The following NAV1 variants were observed in gnomAD, a reference collection of about 807,000 sequenced individuals.
The protein encoded by NAV1 is pore membrane and/or filament interacting like protein 3.
In NAV1, 18 loss-of-function variants were observed where a neutral mutation model predicts 175.2. That is an observed-to-expected ratio of 0.10 (90% CI 0.07 to 0.15). The LOEUF is 0.15. Ranked by LOEUF, NAV1 falls within the 10% of genes least tolerant of loss-of-function variation. NAV1 has a pLI of 1.00. For missense variants in NAV1, 1,731 were observed against 2,436.6 expected (o/e 0.71, Z 6.10); for synonymous variants, 897 against 978.7 (o/e 0.92, Z 1.56).
intron 3 of NAV1, among the ~76,000 whole-genome samples, chr1:201,721,443 G>A (rs1458305763): frequency 1.3e-5 from 2 of 152,216 alleles, no homozygotes; most frequent in Non-Finnish European, 2.9e-5. Flanking sequence ...TGTTGTTGTT[G>A]TTTTAATTAG....
chr1:201,629,204 G>A (rs1024437890), intron 1 of NAV1, among the ~76,000 whole-genome samples, 200 bp from the exon 4 acceptor site: 1 of 152,226 alleles, frequency 6.6e-6, no homozygotes, highest in African/African-American at 2.4e-5. Context: ...CCTGCCTGGC[G>A]CAGCTTTGCA....
rs562663045 is a variant in NAV1 at position 201,668,632 on chromosome 1, G to GC, written c.757+19213dup. ...GTGGTGCTGGGCGTGGGTCGATGCA[G>GC]CCCCCCACCCCACTGCTTGGAAGGT... On this transcript the variant is annotated intron_variant, in intron 1 of 29. Transcript: ENST00000367296. Among the ~76,000 whole-genome samples the GC allele has an allele frequency of 2.2e-3, 342 of 152,250 alleles. 2 individuals carry two copies. Among genetic ancestry groups the GC allele is most frequent in the Admixed American group, 4.9e-3 (75 of 15,302 alleles).
At position 201,808,788 on chromosome 1, in the gene NAV1, C is replaced by T. The variant is rs745600215; in HGVS notation, c.4124C>T (p.Pro1375Leu). The T allele has an allele frequency of 1.2e-6, 2 of 1,614,042 alleles. No homozygotes were observed. Among genetic ancestry groups the T allele is most frequent in the African/African-American group, 2.7e-5 (2 of 74,938 alleles). The change falls in exon 20 of 30, where the codon CCT becomes CTT. Residue 1375 changes from proline (P) to leucine (L), a missense_variant. By Grantham distance (98) the Pro-to-Leu change is moderately conservative. This residue lies in a region of NAV1 where 122 missense variants were observed against 139.4 expected (regional missense o/e 0.88). Coordinates refer to ENST00000367296, the Ensembl canonical transcript of NAV1. This position sits in a 1 kb window ranked among gnomAD's most constrained non-coding sequence, Gnocchi z 5.5. ...TCAGGCTCCACTCCAGGGCAGGTCC[C>T]TGGATCATCTGCATTATCTTCCCCA... is the stretch of plus-strand genomic sequence containing the variant.
chr1:201,789,242 G>T (rs917735400), intron 10 of NAV1, among the ~76,000 whole-genome samples: 3 of 152,034 alleles, frequency 2.0e-5, no homozygotes, highest in African/African-American at 7.2e-5. Context: ...TCTCACCATA[G>T]GTTCTACTGA....
intron 15 of NAV1, among the ~76,000 whole-genome samples, chr1:201,801,704 G>A (rs561111245): frequency 2.0e-5 from 3 of 152,086 alleles, no homozygotes; most frequent in Non-Finnish European, 4.4e-5. Context: ...GGACCTCCCT[G>A]TGCATTTCTT....
chr1:201,813,357 A>T lies in NAV1; in HGVS notation c.5340+99A>T, dbSNP rs1167542689. 2.7e-5 allele frequency: 21 copies of T among 792,454 alleles called. No homozygotes were observed. The Admixed American group carries it at 2.8e-4, about 10-fold the overall frequency. 49.1% of individuals were successfully genotyped at this position (792,454 alleles called of 1,614,324 possible). ...TGTTAGGCATGGGACTACTAGGATT[A>T]GTTAGGTTCTCTTTCTAACAGGTGG... On this transcript the variant is annotated intron_variant, in intron 28 of 29. Transcript: ENST00000367296. The surrounding 1 kb of genome is among the most constrained non-coding windows in gnomAD (Gnocchi z 4.2).
At position 201,685,187 on chromosome 1, in the gene NAV1, C is replaced by T. The variant is rs570462030; in HGVS notation, c.758-27630C>T. ...CTCAGGAGGCAGAGGTTTCAGTGAGCGGTGATCACGCCACTGCACCTCCAG... is the reference window on the plus strand; with the variant it reads ...CTCAGGAGGCAGAGGTTTCAGTGAGTGGTGATCACGCCACTGCACCTCCAG... On this transcript the variant is annotated intron_variant, in intron 1 of 29. Transcript: ENST00000367296. 3.5e-4 allele frequency among the ~76,000 whole-genome samples: 53 copies of T among 151,528 alleles called. 1 individual carries two copies. Among genetic ancestry groups the T allele is most frequent in the Middle Eastern group, 3.4e-3 (1 of 292 alleles).
chr1:201,604,900 G>T (rs962950837), intron 2 of NAV1, among the ~76,000 whole-genome samples: 2 of 152,016 alleles, frequency 1.3e-5, no homozygotes, highest in Admixed American at 6.5e-5. Flanking sequence ...TGACACTAAA[G>T]CCCACGCTCT....
chr1:201,687,834 C>G (rs1406299948), intron 1 of NAV1, among the ~76,000 whole-genome samples: 1 of 152,118 alleles, frequency 6.6e-6, no homozygotes, highest in African/African-American at 2.4e-5. Context: ...CATCTGAGGG[C>G]GGGCAAGTTT....
At chr1:201,755,520 T>C (rs1674401117) in intron 3 of NAV1, among the ~76,000 whole-genome samples, 1 of 152,224 alleles carries the variant, frequency 6.6e-6, no homozygotes, top group South Asian at 2.1e-4. Flanking sequence ...ACTTAGTTTT[T>C]ATTGTTATTT....
chr1:201,573,650 T>G (rs902034583), intron 1 of NAV1, among the ~76,000 whole-genome samples: 1 of 152,212 alleles, frequency 6.6e-6, no homozygotes, highest in Non-Finnish European at 1.5e-5. Context: ...CCAGGGATCT[T>G]GTGATGATTA....
At chr1:201,613,671 T>A (rs1667917610) in intron 2 of NAV1, among the ~76,000 whole-genome samples, 1 of 152,166 alleles carries the variant, frequency 6.6e-6, no homozygotes, top group Admixed American at 6.5e-5. Flanking sequence ...GAGACCAGCC[T>A]GGCCAACATG....
chr1:201,769,448 C>A lies in NAV1; in HGVS notation c.1227-10973C>A, dbSNP rs561187147. 2.6e-5 allele frequency among the ~76,000 whole-genome samples: 4 copies of A among 152,266 alleles called. No individual in the cohort carries two copies. In the South Asian group the frequency reaches 8.3e-4, roughly 32 times the overall value. On this transcript the variant is annotated intron_variant, in intron 3 of 29. Transcript: ENST00000367296. ...GTTGTGATTATTGATGCTCTTTTACCGCTCTGCCCCATTTGATGTTTGTAT... is the reference window on the plus strand; with the variant it reads ...GTTGTGATTATTGATGCTCTTTTACAGCTCTGCCCCATTTGATGTTTGTAT...
At chr1:201,583,932 C>T (rs762753611) in intron 1 of NAV1, among the ~76,000 whole-genome samples, 161 of 152,204 alleles carry the variant, frequency 1.1e-3, no homozygotes, top group Non-Finnish European at 1.6e-3. Context: ...GCGTGTCCTT[C>T]AGCAAGTCAC....
In NAV1 at chr1:201,550,935, T is replaced by C. The variant is rs1192406018; in HGVS notation, c.-144+11593T>C. Reference sequence around the variant, plus strand: ...CCTAAATCCCATCCTGCTATCAGAGTTCTTCCTCAGGCCTTCACTGCAAAG... The same window carrying C: ...CCTAAATCCCATCCTGCTATCAGAGCTCTTCCTCAGGCCTTCACTGCAAAG... On this transcript the variant is annotated intron_variant, in intron 1 of 33. Coordinates refer to the NAV1 transcript ENST00000685211. Among the ~76,000 whole-genome samples the C allele has an allele frequency of 3.3e-5, 5 of 152,198 alleles. No homozygotes were observed. The East Asian group carries it at 9.6e-4, about 29-fold the overall frequency.
intron 1 of NAV1, among the ~76,000 whole-genome samples, chr1:201,569,469 G>A (rs1243545589): frequency 6.6e-6 from 1 of 152,232 alleles, no homozygotes. Context: ...AGGGACACTG[G>A]AAAGGTGTCA....
chr1:201,800,817 C>CTTTTTTTT (rs61404613), intron 15 of NAV1, among the ~76,000 whole-genome samples: 4 of 90,800 alleles, frequency 4.4e-5, no homozygotes, highest in Admixed American at 1.5e-4. Flanking sequence ...CTTGGTGTAT[C>CTTTTTTTT]TTTTTTTTTT....
At chr1:201,743,592 A>G (rs6661207) in intron 3 of NAV1, among the ~76,000 whole-genome samples, 102 of 152,350 alleles carry the variant, frequency 6.7e-4, no homozygotes, top group African/African-American at 2.3e-3. Flanking sequence ...GATAAGTGGA[A>G]TTATGACCAC....
chr1:201,643,070 G>T (rs1668852351), intron 2 of NAV1, among the ~76,000 whole-genome samples: 1 of 150,876 alleles, frequency 6.6e-6, no homozygotes, highest in Non-Finnish European at 1.5e-5. Context: ...CACCGTGCCT[G>T]GCCTCTTTCT....
Sources: gnomAD v4.1 joint callset for allele counts (sites outside exome capture counted in the v4.1 genomes callset) on GRCh38, gnomAD v4.1.1 for gene constraint, gnomAD v4.1.1 regional missense constraint, Gnocchi (gnomAD v3.1) non-coding constraint, MANE v1.5 for transcripts, NCBI Gene and HGNC (gene_info 2026-07-23, HGNC 2026-07-21) for gene names.